Variants in EHMT1 observed in about 807,000 individuals in gnomAD.
The protein encoded by EHMT1 is histone-lysine N-methyltransferase EHMT1.
A neutral mutation model predicts 147.2 loss-of-function variants in EHMT1; 15 were observed. The observed-to-expected ratio is 0.10, with a 90% CI of 0.07 to 0.16. The LOEUF (loss-of-function observed/expected upper bound fraction) is 0.16, where lower values mean the gene tolerates loss of function less well. Ranked by LOEUF, EHMT1 falls within the 10% of genes least tolerant of loss-of-function variation. The pLI, the probability that EHMT1 is intolerant of heterozygous loss-of-function variation, is 1.00. For synonymous variants in EHMT1, 795 were observed against 709.6 expected, an observed-to-expected ratio of 1.12 and a Z score of -1.91; for missense variants, 1,587 against 1,772.4, an observed-to-expected ratio of 0.90 and a Z score of 1.88.
In EHMT1 at chr9:137,788,646, G is replaced by A. The variant is rs186225785; in HGVS notation, c.2383-2202G>A. ...TTGTCCCCTCGGGGACTGGGAGAGC[G>A]ACTGTGCCTCTGGGCCTGCAGGCGG... On this transcript the variant is annotated intron_variant, in intron 15 of 26. Transcript: ENST00000460843. 537 of 152,442 alleles carry A rather than the reference G, an allele frequency of 3.5e-3. 4 individuals carry two copies. The highest frequency in any genetic ancestry group is 0.012 in the African/African-American group (499 of 41,556). 9.4% of individuals were successfully genotyped at this position (152,442 alleles called of 1,614,324 possible).
intron 10 of EHMT1, chr9:137,763,218 G>T: frequency 2.5e-6 from 1 of 393,318 alleles, no homozygotes; most frequent in Non-Finnish European, 4.7e-6. Context: ...CGCAAGGGCC[G>T]GGCCTCGGCC....
At position 137,728,389 on chromosome 9, in the gene EHMT1, G is replaced by A. The variant is rs1193099671; in HGVS notation, c.683G>A (p.Arg228Lys). 6.2e-7 allele frequency: 1 copy of A among 1,614,206 alleles called. No homozygotes were observed. The highest frequency in any genetic ancestry group is 1.7e-5 in the Admixed American group (1 of 60,028). ...SKDPREVREA[R>K]DHKEPKEEIN... The stretch of plus-strand genomic sequence containing the variant: ...GATCCCAGAGAAGTTCGAGAAGCTA[G>A]AGATCATAAGGAACCAAAAGAGGAG... The change falls in exon 4 of 27, where the codon AGA becomes AAA. Residue 228 changes from arginine to lysine, a missense_variant. Around this residue, in one of 7 missense-constraint regions of EHMT1, gnomAD observed 810 missense variants for 673.0 expected, o/e 1.20. Transcript: ENST00000460843.
At chr9:137,748,563 G>A (rs1476443889) in intron 6 of EHMT1, among the ~76,000 whole-genome samples, 1 of 152,202 alleles carries the variant, frequency 6.6e-6, no homozygotes, top group Non-Finnish European at 1.5e-5. Context: ...TCCCCACGGT[G>A]GCTGCTCAGG....
At chr9:137,817,350 A>T (rs999377181) in intron 23 of EHMT1, 89 bp from the exon 24 acceptor site, 2 of 1,441,898 alleles carry the variant, frequency 1.4e-6, no homozygotes, top group East Asian at 4.5e-5. Flanking sequence ...TCCTCATTTC[A>T]GTGACGTGGC....
intron 6 of EHMT1, chr9:137,747,221 G>T (rs886951049): frequency 1.3e-5 from 2 of 151,986 alleles, no homozygotes; most frequent in African/African-American, 2.4e-5. Flanking sequence ...GCAATGGTGC[G>T]ATCTCGGCTC....
chr9:137,632,448 T>G (rs988145749), intron 1 of EHMT1, among the ~76,000 whole-genome samples: 4 of 152,128 alleles, frequency 2.6e-5, no homozygotes, highest in African/African-American at 9.7e-5. Context: ...TTTGTTTTTG[T>G]TTTTGAGATG....
chr9:137,620,284 G>A, intron 1 of EHMT1, among the ~76,000 whole-genome samples: 1 of 152,184 alleles, frequency 6.6e-6, no homozygotes, highest in Admixed American at 6.5e-5. Context: ...AAGACGTGTA[G>A]TGATGAATTC....
chr9:137,743,204 A>G, intron 4 of EHMT1, 167 bp from the exon 5 acceptor site: 1 of 695,824 alleles, frequency 1.4e-6, no homozygotes. Flanking sequence ...TGAGGGAAGG[A>G]TGCCTGTCAC....
intron 1 of EHMT1, among the ~76,000 whole-genome samples, chr9:137,634,507 C>T (rs952773533): frequency 5.3e-5 from 8 of 152,140 alleles, no homozygotes; most frequent in Non-Finnish European, 1.2e-4. Context: ...ATATGTCTGT[C>T]CTAATGCGAG....
intron 1 of EHMT1, among the ~76,000 whole-genome samples, chr9:137,680,490 G>A (rs570780863): frequency 6.6e-6 from 1 of 152,282 alleles, no homozygotes; most frequent in East Asian, 1.9e-4. Context: ...CAATTATCAA[G>A]TGGGTCATAA....
Position 137,790,872 on chromosome 9 carries a change from T to C in EHMT1, c.2407T>C (p.Ser803Pro). The C allele has an allele frequency of 6.2e-7, 1 of 1,614,048 alleles. No homozygotes were observed. The highest frequency in any genetic ancestry group is 8.5e-7 in the Non-Finnish European group (1 of 1,180,004). Residue 803 changes from serine to proline, a missense_variant, in exon 16 of 27, where the codon TCA becomes CCA. This residue lies in a region of EHMT1 where 201 missense variants were observed against 350.1 expected (regional missense o/e 0.57). Transcript: ENST00000460843. ...VQAGANIDTCSEDQRTPLMEA... is the reference protein window; with the variant it reads ...VQAGANIDTCPEDQRTPLMEA... ...GGCGGGCGCTAATATTGACACCTGC[T>C]CAGAAGACCAGAGGACCCCGTTGAT...
intron 2 of EHMT1, among the ~76,000 whole-genome samples, chr9:137,714,510 T>C (rs1164529284): frequency 6.6e-6 from 1 of 151,858 alleles, no homozygotes; most frequent in Non-Finnish European, 1.5e-5. Context: ...TCCTCACCAA[T>C]TTTGTTTTGT....
chr9:137,631,987 G>A (rs2987621), intron 1 of EHMT1, among the ~76,000 whole-genome samples: 28,671 of 150,856 alleles, frequency 0.19, 3,034 homozygotes, highest in Admixed American at 0.31. Context: ...GTGTTCAGAC[G>A]CACATGTGTC....
intron 22 of EHMT1, 42 bp downstream of exon 22, chr9:137,814,550 C>T (rs375004908): frequency 3.3e-5 from 53 of 1,595,390 alleles, no homozygotes; most frequent in Middle Eastern, 3.3e-4. Context: ...TGGTAAGTGC[C>T]GCTGGTCCGG....
chr9:137,813,113 G>C lies in EHMT1; in HGVS notation c.2975G>C (p.Ser992Thr). 2 of 1,613,172 alleles carry C rather than the reference G, an allele frequency of 1.2e-6. No homozygotes were observed. The highest frequency in any genetic ancestry group is 1.7e-6 in the Non-Finnish European group (2 of 1,180,034). The change falls in exon 20 of 27, where the codon AGC (serine) becomes ACC (threonine). Residue 992 changes from serine to threonine, a missense_variant. Ser to Thr is a moderately conservative substitution (Grantham distance 58, BLOSUM62 1). This residue lies in a region of EHMT1 where 78 missense variants were observed against 68.9 expected (regional missense o/e 1.13). Transcript: ENST00000460843. The surrounding 1 kb of genome is among the most constrained non-coding windows in gnomAD (Gnocchi z 4.9). ...NSQVWSALQM[S>T]KALQDSAPDR... ...CAGGTGTGGAGCGCTCTGCAGATGAGCAAGGCTCTGCAGGACTCGGCCCCC... is the reference window on the plus strand; with the variant it reads ...CAGGTGTGGAGCGCTCTGCAGATGACCAAGGCTCTGCAGGACTCGGCCCCC...
intron 3 of EHMT1, 140 bp downstream of exon 3, chr9:137,717,322 G>A (rs1271603638): frequency 2.6e-6 from 3 of 1,138,512 alleles, no homozygotes; most frequent in Non-Finnish European, 3.8e-6. Flanking sequence ...CTAGGAGAAG[G>A]CCGGGAGCAG....
Position 137,813,401 on chromosome 9 carries a change from C to T in EHMT1, c.3051C>T (p.Gly1017=). Reference sequence around the variant, plus strand: ...TCCATGGCAGGGACATCGCTCGAGGCTACGAGCGCATCCCCATCCCCTGTG... The same window carrying T: ...TCCATGGCAGGGACATCGCTCGAGGTTACGAGCGCATCCCCATCCCCTGTG... ...ERIVSRDIAR[G]YERIPIPCVN... is the part of the protein sequence containing the mutation. Residue 1017 remains glycine, a synonymous_variant, in exon 21 of 27, where the codon GGC becomes GGT. Transcript: ENST00000460843. The surrounding 1 kb of genome is among the most constrained non-coding windows in gnomAD (Gnocchi z 4.9). The T allele has an allele frequency of 6.2e-7, 1 of 1,612,498 alleles. No homozygotes were observed. The highest frequency in any genetic ancestry group is 8.5e-7 in the Non-Finnish European group (1 of 1,179,640).
intron 4 of EHMT1, among the ~76,000 whole-genome samples, chr9:137,742,735 C>T (rs751362239): frequency 4.6e-5 from 7 of 152,182 alleles, no homozygotes; most frequent in Non-Finnish European, 7.3e-5. Context: ...AGAGCTGGAC[C>T]GTAGCTCCAG....
At chr9:137,642,844 T>A (rs528931548) in intron 1 of EHMT1, among the ~76,000 whole-genome samples, 1 of 152,216 alleles carries the variant, frequency 6.6e-6, no homozygotes, top group Admixed American at 6.5e-5. Context: ...TTTTATACTT[T>A]ACCTGTGTAG....
Sources: allele counts gnomAD v4.1 joint callset (sites outside exome capture counted in the v4.1 genomes callset), GRCh38; gene constraint gnomAD v4.1.1; regional missense constraint gnomAD v4.1.1; non-coding constraint Gnocchi (gnomAD v3.1); transcripts MANE v1.5; gene names NCBI Gene and HGNC (gene_info 2026-07-23, HGNC 2026-07-21).